TECRL: variants seen among roughly 807,000 people sequenced by gnomAD.
The protein encoded by TECRL is trans-2,3-enoyl-CoA reductase-like.
In TECRL, 63 loss-of-function variants were observed where a neutral mutation model predicts 52.8. That is an observed-to-expected ratio of 1.19 (90% CI 0.97 to 1.47). The LOEUF (loss-of-function observed/expected upper bound fraction) is 1.47, where lower values mean the gene tolerates loss of function less well. TECRL is among the 40% of genes most tolerant of loss of function. The pLI, the probability that TECRL is intolerant of heterozygous loss-of-function variation, is 0.00. For missense variants in TECRL, 482 were observed against 429.6 expected, an observed-to-expected ratio of 1.12 and a Z score of -1.08; for synonymous variants, 164 against 141.9, an observed-to-expected ratio of 1.16 and a Z score of -1.10.
At chr4:64,335,975 T>C (rs551751827) in intron 2 of TECRL, among the ~76,000 whole-genome samples, 1 of 152,222 alleles carries the variant, frequency 6.6e-6, no homozygotes, top group Admixed American at 6.5e-5. Flanking sequence ...GTCTTTTTTT[T>C]TGGTTGTTGT....
intron 2 of TECRL, among the ~76,000 whole-genome samples, chr4:64,363,163 A>G (rs1354394771): frequency 6.6e-6 from 1 of 152,148 alleles, no homozygotes; most frequent in African/African-American, 2.4e-5. Flanking sequence ...TATTCACCCA[A>G]CACTGTAAAT....
intron 8 of TECRL, among the ~76,000 whole-genome samples, chr4:64,296,044 A>G (rs1313341854): frequency 6.6e-6 from 1 of 152,018 alleles, no homozygotes; most frequent in Non-Finnish European, 1.5e-5. Flanking sequence ...TTTTCAGTCA[A>G]TAAGTATAAA....
rs1490860249 is a variant in TECRL, at chr4:64,314,561, T to G, written c.551+87A>C. On this transcript the variant is annotated intron_variant, in intron 5 of 11. Transcript: ENST00000381210. ...AACCTTTATTAATATTTTACCTGCT[T>G]ACTAGTTCATCCCCTCCTTAACGTG... 6 of 982,170 alleles carry G rather than the reference T, an allele frequency of 6.1e-6. No homozygotes were observed. The Admixed American group carries it at 8.4e-5, about 14-fold the overall frequency. 60.8% of individuals were successfully genotyped at this position (982,170 alleles called of 1,614,324 possible).
intron 1 of TECRL, among the ~76,000 whole-genome samples, chr4:64,383,970 G>A (rs1722996090): frequency 6.6e-6 from 1 of 151,876 alleles, no homozygotes; most frequent in East Asian, 1.9e-4. Flanking sequence ...CAGTATTGTA[G>A]TCTCTGTATG....
intron 2 of TECRL, among the ~76,000 whole-genome samples, chr4:64,338,531 C>T (rs1044102725): frequency 6.6e-6 from 1 of 152,084 alleles, no homozygotes; most frequent in African/African-American, 2.4e-5. Context: ...GCAATCTGCT[C>T]ATCTGACAAA....
At chr4:64,408,943 A>G (rs1410505553) in intron 1 of TECRL, among the ~76,000 whole-genome samples, 175 bp downstream of exon 1, 1 of 152,156 alleles carries the variant, frequency 6.6e-6, no homozygotes, top group Non-Finnish European at 1.5e-5. Flanking sequence ...TGCATTGAAC[A>G]TCTTCTATTA....
Position 64,279,984 on chromosome 4 carries a change from T to C in TECRL, c.*88A>G. On this transcript the variant is annotated 3_prime_UTR_variant, in exon 12 of 12. Transcript: ENST00000381210. The stretch of plus-strand genomic sequence containing the variant: ...TGTATATACTGTTGCTCATGAATTG[T>C]TGGAGTATAATAGTTAACTATCCTT... The C allele has an allele frequency of 6.8e-7, 1 of 1,464,820 alleles. No individual in the cohort carries two copies. The highest frequency in any genetic ancestry group is 9.0e-7 in the Non-Finnish European group (1 of 1,105,874). 90.7% of individuals were successfully genotyped at this position (1,464,820 alleles called of 1,614,324 possible). A position where few individuals can be genotyped will look rare whatever the true frequency, so the allele number is the denominator to read the frequency against.
chr4:64,359,216 G>C (rs1366305229), intron 2 of TECRL, among the ~76,000 whole-genome samples: 2 of 151,820 alleles, frequency 1.3e-5, no homozygotes, highest in Non-Finnish European at 2.9e-5. Flanking sequence ...GCTTATTAAA[G>C]TTTGAGAGTC....
chr4:64,350,926 T>C (rs572301512), intron 2 of TECRL, among the ~76,000 whole-genome samples: 130 of 149,976 alleles, frequency 8.7e-4, no homozygotes, highest in South Asian at 2.1e-3. Flanking sequence ...TCAGTTTCAA[T>C]AGTTAACCTT....
intron 1 of TECRL, among the ~76,000 whole-genome samples, chr4:64,388,526 A>G (rs1477016138): frequency 6.6e-6 from 1 of 151,864 alleles, no homozygotes; most frequent in Admixed American, 6.6e-5. Context: ...CTCTTCATAT[A>G]TACTTTAGAA....
intron 4 of TECRL, among the ~76,000 whole-genome samples, chr4:64,315,550 A>G (rs1214357299): frequency 6.6e-6 from 1 of 152,106 alleles, no homozygotes; most frequent in African/African-American, 2.4e-5. Flanking sequence ...AGAAAAAAAT[A>G]CAACTTAACA....
At chr4:64,335,679 T>A (rs999935290) in intron 2 of TECRL, among the ~76,000 whole-genome samples, 4 of 152,324 alleles carry the variant, frequency 2.6e-5, no homozygotes, top group African/African-American at 9.6e-5. Flanking sequence ...GAGTCCTTCA[T>A]TGTCCTGCTA....
chr4:64,392,157 G>C (rs1286959004), intron 1 of TECRL, among the ~76,000 whole-genome samples: 1 of 151,854 alleles, frequency 6.6e-6, no homozygotes, highest in African/African-American at 2.4e-5. Flanking sequence ...AAAGCTAAAA[G>C]AAAAGGTAAT....
In TECRL at chr4:64,280,022, T is replaced by C; in HGVS notation, c.*50A>G. 6.5e-7 allele frequency: 1 copy of C among 1,538,194 alleles called. No individual in the cohort carries two copies. Among genetic ancestry groups the C allele is most frequent in the Non-Finnish European group, 8.8e-7 (1 of 1,141,766 alleles). ...GTTAACTATCCTTAACTAAGTCTTATTTATTGAATTTATATGTTGCTGTTT... is the reference window on the plus strand; with the variant it reads ...GTTAACTATCCTTAACTAAGTCTTACTTATTGAATTTATATGTTGCTGTTT... On this transcript the variant is annotated 3_prime_UTR_variant, in exon 12 of 12. Coordinates refer to ENST00000381210, the MANE Select transcript of TECRL (RefSeq NM_001010874.5).
At position 64,281,575 on chromosome 4, in the gene TECRL, G is replaced by A; in HGVS notation, c.833-16C>T. ...GCATTGTTTCCTTTTTCAAAGGAAA[G>A]TAAAATGTCAATGATGCTACACATT... On this transcript the variant is annotated splice_polypyrimidine_tract_variant and intron_variant, in intron 9 of 11. Transcript: ENST00000381210. 1 of 1,442,854 alleles carries A rather than the reference G, an allele frequency of 6.9e-7. No individual in the cohort carries two copies. The highest frequency in any genetic ancestry group is 2.3e-5 in the East Asian group (1 of 43,540). 89.4% of individuals were successfully genotyped at this position (1,442,854 alleles called of 1,614,324 possible). A position where few individuals can be genotyped will look rare whatever the true frequency, so the allele number is the denominator to read the frequency against.
chr4:64,369,090 G>A (rs1721813233), intron 2 of TECRL, among the ~76,000 whole-genome samples: 1 of 152,078 alleles, frequency 6.6e-6, no homozygotes, highest in African/African-American at 2.4e-5. Context: ...CTAAAACTTT[G>A]TATGGTGTTT....
chr4:64,289,151 T>C (rs923171291), intron 9 of TECRL, among the ~76,000 whole-genome samples: 2 of 152,296 alleles, frequency 1.3e-5, no homozygotes, highest in East Asian at 3.9e-4. Context: ...TTAATAAAGA[T>C]GTGTATGAGA....
intron 4 of TECRL, among the ~76,000 whole-genome samples, chr4:64,316,247 A>C (rs1177050843): frequency 6.6e-6 from 1 of 152,132 alleles, no homozygotes; most frequent in Admixed American, 6.5e-5. Flanking sequence ...AAATGCTAAC[A>C]CAGATCTGAA....
At chr4:64,358,833 A>G (rs1720970508) in intron 2 of TECRL, among the ~76,000 whole-genome samples, 1 of 151,824 alleles carries the variant, frequency 6.6e-6, no homozygotes, top group Non-Finnish European at 1.5e-5. Context: ...TAGCAATAAG[A>G]TTCAGTATAT....
Sources: allele counts gnomAD v4.1 joint callset (sites outside exome capture counted in the v4.1 genomes callset), GRCh38; gene constraint gnomAD v4.1.1; transcripts MANE v1.5; gene names NCBI Gene and HGNC (gene_info 2026-07-23, HGNC 2026-07-21).